The following PPFIA2 variants were observed in gnomAD, a reference collection of about 807,000 sequenced individuals.
PPFIA2 encodes liprin-alpha-2.
Under a neutral mutation model 175.5 loss-of-function variants are expected in PPFIA2, and 46 were observed. That is an observed-to-expected ratio of 0.26 (90% CI 0.21 to 0.34). PPFIA2 has a LOEUF of 0.34. PPFIA2 is among the 10% of genes least tolerant of loss of function. PPFIA2 has a pLI of 1.00. For missense variants in PPFIA2, 1,179 were observed against 1,506.1 expected (o/e 0.78, Z 3.60); for synonymous variants, 568 against 511.4 (o/e 1.11, Z -1.49).
chr12:81,410,234 C>T (rs2043683732), intron 7 of PPFIA2, among the ~76,000 whole-genome samples: 1 of 152,128 alleles, frequency 6.6e-6, no homozygotes, highest in Non-Finnish European at 1.5e-5. Context: ...CATTTTGTCA[C>T]AGCAGCACAA....
chr12:81,376,006 T>A, intron 9 of PPFIA2, 64 bp from the exon 10 acceptor site: 1 of 1,404,684 alleles, frequency 7.1e-7, no homozygotes, highest in Admixed American at 2.1e-5. Flanking sequence ...ATTGTCTTGT[T>A]AGTTAAATAA....
At chr12:81,704,938 G>T (rs2076930866) in intron 3 of PPFIA2, among the ~76,000 whole-genome samples, 1 of 151,148 alleles carries the variant, frequency 6.6e-6, no homozygotes, top group Admixed American at 6.6e-5. Flanking sequence ...ACAAAAATTA[G>T]CTGGGCATGG....
intron 8 of PPFIA2, among the ~76,000 whole-genome samples, chr12:81,392,389 G>T (rs755448434): frequency 6.6e-6 from 1 of 151,808 alleles, no homozygotes; most frequent in Non-Finnish European, 1.5e-5. Flanking sequence ...CAAAATAAAG[G>T]TGTCAGGCAA....
intron 3 of PPFIA2, among the ~76,000 whole-genome samples, chr12:81,753,496 C>A (rs1597235469): frequency 1.4e-5 from 2 of 147,246 alleles, no homozygotes; most frequent in African/African-American, 2.5e-5. Flanking sequence ...ATTAGTAATT[C>A]CAAGAATTTT....
chr12:81,312,125 TAAA>T (rs1190864521), intron 22 of PPFIA2: 14 of 1,530,270 alleles, frequency 9.1e-6, no homozygotes, highest in Non-Finnish European at 1.2e-5. Context: ...GCGCTGAAAA[TAAA>T]CATGTTCAGC....
At chr12:81,324,711 A>T (rs1431437961) in intron 22 of PPFIA2, among the ~76,000 whole-genome samples, 1 of 151,960 alleles carries the variant, frequency 6.6e-6, no homozygotes, top group Admixed American at 6.6e-5. Flanking sequence ...CTAAAGAATA[A>T]ATATATATTA....
chr12:81,477,229 GA>G (rs1273266703), intron 4 of PPFIA2, among the ~76,000 whole-genome samples: 5 of 150,988 alleles, frequency 3.3e-5, no homozygotes, highest in African/African-American at 7.3e-5. Flanking sequence ...TTTAAAAAAA[GA>G]AAAAAAAGGA....
chr12:81,612,131 G>A (rs985618494), intron 4 of PPFIA2, among the ~76,000 whole-genome samples: 4 of 152,104 alleles, frequency 2.6e-5, no homozygotes, highest in Non-Finnish European at 5.9e-5. Flanking sequence ...CTTGGTGGGA[G>A]CAGTGCTTTC....
At chr12:81,480,372 A>C (rs750839207) in intron 4 of PPFIA2, among the ~76,000 whole-genome samples, 4 of 151,946 alleles carry the variant, frequency 2.6e-5, no homozygotes, top group Non-Finnish European at 4.4e-5. Context: ...TTTATCTCAG[A>C]GGAGTTTGTT....
chr12:81,664,010 C>T (rs1258531399), intron 4 of PPFIA2, among the ~76,000 whole-genome samples: 1 of 152,140 alleles, frequency 6.6e-6, no homozygotes, highest in African/African-American at 2.4e-5. Context: ...AACTGGATCC[C>T]TTCCTTACAC....
At chr12:81,646,539 C>G (rs1393952190) in intron 4 of PPFIA2, among the ~76,000 whole-genome samples, 1 of 152,180 alleles carries the variant, frequency 6.6e-6, no homozygotes, top group African/African-American at 2.4e-5. Flanking sequence ...AGCCCTCACT[C>G]CTCTTTCAAC....
intron 4 of PPFIA2, among the ~76,000 whole-genome samples, chr12:81,571,184 G>C (rs1299297232): frequency 6.6e-6 from 1 of 151,856 alleles, no homozygotes; most frequent in Non-Finnish European, 1.5e-5. Flanking sequence ...AATTTCTTGC[G>C]TAAAATGCTT....
intron 3 of PPFIA2, among the ~76,000 whole-genome samples, chr12:81,701,077 CA>C (rs1276470786): frequency 6.6e-6 from 1 of 152,044 alleles, no homozygotes; most frequent in East Asian, 1.9e-4. Context: ...GCTTGGGTTC[CA>C]GAATGAAACG....
intron 22 of PPFIA2, among the ~76,000 whole-genome samples, chr12:81,311,588 C>T (rs981871372): frequency 2.0e-5 from 3 of 151,816 alleles, no homozygotes; most frequent in Non-Finnish European, 2.9e-5. Flanking sequence ...AAAAAATTAG[C>T]CAGGCGTGGT....
At chr12:81,354,487 G>A (rs1338355255) in intron 16 of PPFIA2, among the ~76,000 whole-genome samples, 2 of 152,108 alleles carry the variant, frequency 1.3e-5, no homozygotes, top group Non-Finnish European at 2.9e-5. Context: ...GTTTTATCAT[G>A]AGATTGCAGC....
At chr12:81,361,813 A>C (rs2030549428) in intron 15 of PPFIA2, among the ~76,000 whole-genome samples, 1 of 151,632 alleles carries the variant, frequency 6.6e-6, no homozygotes, top group South Asian at 2.1e-4. Context: ...ATGAACTTCT[A>C]CTAAAAGCCT....
intron 12 of PPFIA2, 31 bp from the exon 13 acceptor site, chr12:81,368,887 A>T (rs758443575): frequency 6.3e-7 from 1 of 1,586,930 alleles, no homozygotes; most frequent in Non-Finnish European, 8.6e-7. Context: ...ATAAAAATCC[A>T]TTCAAAAACT....
intron 17 of PPFIA2, among the ~76,000 whole-genome samples, chr12:81,350,685 T>G (rs572192478): frequency 6.6e-6 from 1 of 152,142 alleles, no homozygotes; most frequent in South Asian, 2.1e-4. Flanking sequence ...ATTGAATGGT[T>G]AGAAAAAGGG....
chr12:81,661,529 G>A (rs905339045), intron 4 of PPFIA2, among the ~76,000 whole-genome samples: 10 of 152,114 alleles, frequency 6.6e-5, no homozygotes, highest in African/African-American at 2.4e-4. Flanking sequence ...CCCAATACAG[G>A]AACACCCAGA....
Sources: allele counts gnomAD v4.1 joint callset (sites outside exome capture counted in the v4.1 genomes callset), GRCh38; gene constraint gnomAD v4.1.1; transcripts MANE v1.5; gene names NCBI Gene and HGNC (gene_info 2026-07-23, HGNC 2026-07-21).